Variants in RB1CC1 observed in about 807,000 individuals in gnomAD.
RB1CC1 encodes the protein RB1-inducible coiled-coil protein 1.
In RB1CC1, 46 loss-of-function variants were observed where a neutral mutation model predicts 177.5. The ratio of observed to expected loss-of-function variants is 0.26; its 90% CI spans 0.20 to 0.33. The LOEUF is 0.33. Ranked by LOEUF, RB1CC1 falls within the 10% of genes least tolerant of loss-of-function variation. The pLI, the probability that RB1CC1 is intolerant of heterozygous loss-of-function variation, is 1.00. For missense variants in RB1CC1, 1,703 were observed against 1,816.3 expected (o/e 0.94, Z 1.13); for synonymous variants, 666 against 613.6 (o/e 1.09, Z -1.26).
At chr8:52,659,041 A>G in intron 12 of RB1CC1, 65 bp from the exon 13 acceptor site, 1 of 797,292 alleles carries the variant, frequency 1.3e-6, no homozygotes, top group Non-Finnish European at 1.9e-6. Context: ...GCAAATTTAT[A>G]TGATTTCTTA....
intron 3 of RB1CC1, among the ~76,000 whole-genome samples, chr8:52,685,084 C>G (rs1296729190): frequency 1.3e-5 from 2 of 150,366 alleles, no homozygotes; most frequent in Non-Finnish European, 2.9e-5. Flanking sequence ...CTCACTGCAA[C>G]CTCTGCCCCC....
chr8:52,627,682 T>C (rs944912337), intron 22 of RB1CC1, among the ~76,000 whole-genome samples: 13 of 152,142 alleles, frequency 8.5e-5, no homozygotes, highest in Non-Finnish European at 4.4e-5. Context: ...AAGTTTTTTT[T>C]GCCAAAAAAT....
At chr8:52,676,306 A>C in intron 6 of RB1CC1, 63 bp downstream of exon 6, 1 of 1,455,318 alleles carries the variant, frequency 6.9e-7, no homozygotes, top group East Asian at 2.3e-5. Flanking sequence ...GCAGTAATTA[A>C]ACCTACTGAT....
chr8:52,635,877 G>T, intron 19 of RB1CC1, 138 bp downstream of exon 19: 1 of 1,062,402 alleles, frequency 9.4e-7, no homozygotes, highest in South Asian at 1.6e-5. Flanking sequence ...CCAAAACAGT[G>T]ACCACAAAAA....
intron 15 of RB1CC1, among the ~76,000 whole-genome samples, chr8:52,646,297 TAAACAAAC>T (rs149733207): frequency 2.0e-5 from 3 of 151,748 alleles, no homozygotes; most frequent in African/African-American, 7.3e-5. Context: ...CCCCGTCTCT[TAAACAAAC>T]AAACAAACAA....
chr8:52,649,816 C>G (rs1850409067), intron 15 of RB1CC1, among the ~76,000 whole-genome samples: 1 of 152,156 alleles, frequency 6.6e-6, no homozygotes, highest in Non-Finnish European at 1.5e-5. Flanking sequence ...TTTCTTTGTA[C>G]AAAGGTACAG....
intron 8 of RB1CC1, among the ~76,000 whole-genome samples, chr8:52,663,413 G>GT (rs1851799054): frequency 6.6e-6 from 1 of 151,946 alleles, no homozygotes; most frequent in African/African-American, 2.4e-5. Flanking sequence ...AAATGTTGTG[G>GT]TTTTAAGAAA....
intron 1 of RB1CC1, among the ~76,000 whole-genome samples, chr8:52,688,956 G>A (rs1050779890): frequency 6.6e-6 from 1 of 152,124 alleles, no homozygotes; most frequent in Admixed American, 6.5e-5. Context: ...GAAAAAATGT[G>A]GTACTTGGCA....
chr8:52,699,858 T>TATATATATATATATATATATATATAC (rs756226534), intron 1 of RB1CC1, among the ~76,000 whole-genome samples: 1 of 102,794 alleles, frequency 9.7e-6, no homozygotes, highest in East Asian at 3.8e-4. Context: ...TATATATATA[T>TATATATATATATATATATATATATAC]ACACACAAAA....
At chr8:52,652,824 G>C (rs1478796351) in intron 15 of RB1CC1, among the ~76,000 whole-genome samples, 5 of 152,174 alleles carry the variant, frequency 3.3e-5, no homozygotes, top group Non-Finnish European at 7.3e-5. Flanking sequence ...TTGGGAGGCT[G>C]AGGCAGGTGG....
At chr8:52,692,412 A>C (rs1854960052) in intron 1 of RB1CC1, among the ~76,000 whole-genome samples, 3 of 152,178 alleles carry the variant, frequency 2.0e-5, no homozygotes, top group Admixed American at 2.0e-4. Flanking sequence ...TTCTTTAGAG[A>C]TAATGATACT....
At chr8:52,696,022 T>C (rs1855370547) in intron 1 of RB1CC1, among the ~76,000 whole-genome samples, 1 of 152,188 alleles carries the variant, frequency 6.6e-6, no homozygotes, top group Non-Finnish European at 1.5e-5. Context: ...TAGAGTTGGC[T>C]AACCTCATTA....
intron 8 of RB1CC1, among the ~76,000 whole-genome samples, chr8:52,663,748 C>G (rs1014087352): frequency 6.6e-5 from 10 of 152,022 alleles, no homozygotes; most frequent in African/African-American, 2.4e-4. Flanking sequence ...AAATTCCAGA[C>G]CAGCCAAAGA....
intron 6 of RB1CC1, among the ~76,000 whole-genome samples, chr8:52,676,138 G>A (rs569244823): frequency 1.8e-3 from 278 of 152,222 alleles, no homozygotes; most frequent in Non-Finnish European, 3.1e-3. Flanking sequence ...CTTATTACAA[G>A]TAAAACAACC....
intron 1 of RB1CC1, among the ~76,000 whole-genome samples, chr8:52,692,716 C>T (rs775511848): frequency 6.6e-6 from 1 of 152,108 alleles, no homozygotes; most frequent in South Asian, 2.1e-4. Flanking sequence ...CTTTACTATT[C>T]CTTTAGAAAT....
At chr8:52,635,091 ATAT>A (rs1849033470) in intron 19 of RB1CC1, 123 bp from the exon 20 acceptor site, 2 of 785,028 alleles carry the variant, frequency 2.5e-6, no homozygotes, top group African/African-American at 1.8e-5. Flanking sequence ...GTTGATGGGG[ATAT>A]TATTTTCTAT....
At chr8:52,701,928 C>G (rs1377240380) in intron 1 of RB1CC1, among the ~76,000 whole-genome samples, 2 of 152,154 alleles carry the variant, frequency 1.3e-5, no homozygotes, top group African/African-American at 4.8e-5. Context: ...CTGCCTCAGC[C>G]TCCCAAGTAG....
intron 8 of RB1CC1, among the ~76,000 whole-genome samples, chr8:52,667,648 AT>A (rs1852184218): frequency 6.6e-6 from 1 of 152,226 alleles, no homozygotes; most frequent in Admixed American, 6.5e-5. Flanking sequence ...TATTAGAAGT[AT>A]TAGTAAATTC....
intron 15 of RB1CC1, among the ~76,000 whole-genome samples, chr8:52,651,079 T>G (rs997514899): frequency 6.6e-6 from 1 of 152,206 alleles, no homozygotes; most frequent in East Asian, 1.9e-4. Context: ...TTAATATATT[T>G]TGGCAGAAAA....
Sources: allele counts gnomAD v4.1 joint callset (sites outside exome capture counted in the v4.1 genomes callset), GRCh38; gene constraint gnomAD v4.1.1; transcripts MANE v1.5; gene names NCBI Gene and HGNC (gene_info 2026-07-23, HGNC 2026-07-21).